Variants in TYW1B observed in about 807,000 individuals in gnomAD.
The protein encoded by TYW1B is S-adenosyl-L-methionine-dependent tRNA 4-demethylwyosine synthase TYW1B.
Under a neutral mutation model 86.9 loss-of-function variants are expected in TYW1B, and 73 were observed. The observed-to-expected ratio is 0.84, with a 90% CI of 0.70 to 1.02. The LOEUF (loss-of-function observed/expected upper bound fraction) is 1.02. TYW1B is among the 50% of genes least tolerant of loss of function. The probability of loss-of-function intolerance (pLI) is 0.00; values close to 1 mark genes in which losing one functional copy is unlikely to be tolerated. For synonymous variants in TYW1B, 248 were observed against 292.8 expected (o/e 0.85, Z 1.56); for missense variants, 637 against 827.4 (o/e 0.77, Z 2.82).
chr7:72,671,015 C>A (rs1813587982), intron 11 of TYW1B, among the ~76,000 whole-genome samples: 3 of 152,118 alleles, frequency 2.0e-5, no homozygotes, highest in Admixed American at 6.6e-5. Flanking sequence ...ATTCACTCAG[C>A]AAATATTTAT....
At chr7:72,603,322 T>TG (rs1811718950) in intron 13 of TYW1B, among the ~76,000 whole-genome samples, 1 of 137,804 alleles carries the variant, frequency 7.3e-6, no homozygotes, top group African/African-American at 3.2e-5. Context: ...GACAGATAGA[T>TG]GATGGATGGA....
chr7:72,755,334 A>T (rs143918563), intron 7 of TYW1B, among the ~76,000 whole-genome samples: 156 of 152,316 alleles, frequency 1.0e-3, no homozygotes, highest in Non-Finnish European at 1.4e-3. Context: ...TGGGAGGATC[A>T]CTTGAGCCAG....
chr7:72,741,743 A>C (rs1399761584), intron 8 of TYW1B, among the ~76,000 whole-genome samples: 3 of 152,200 alleles, frequency 2.0e-5, no homozygotes, highest in Non-Finnish European at 4.4e-5. Context: ...GAAGCGAGAG[A>C]GAAGGCACTC....
intron 11 of TYW1B, among the ~76,000 whole-genome samples, chr7:72,680,947 T>C (rs746357382): frequency 6.6e-6 from 1 of 152,236 alleles, no homozygotes; most frequent in Admixed American, 6.5e-5. Context: ...TTTAATCATA[T>C]ACACAAAAAT....
At chr7:72,733,423 G>T (rs1387160145) in intron 8 of TYW1B, among the ~76,000 whole-genome samples, 1 of 152,140 alleles carries the variant, frequency 6.6e-6, no homozygotes, top group Non-Finnish European at 1.5e-5. Context: ...ACTTTCGGAG[G>T]CCAAGGCGGG....
chr7:72,747,192 A>T (rs1374072818), intron 7 of TYW1B, among the ~76,000 whole-genome samples: 1 of 152,182 alleles, frequency 6.6e-6, no homozygotes, highest in African/African-American at 2.4e-5. Flanking sequence ...CCTGGGGAGG[A>T]ACTGAATCAC....
intron 11 of TYW1B, among the ~76,000 whole-genome samples, chr7:72,661,145 A>AAAG (rs1385642279): frequency 1.3e-5 from 2 of 150,404 alleles, no homozygotes; most frequent in South Asian, 2.1e-4. Flanking sequence ...CAAAAAAAAA[A>AAAG]AAGAAGAAGA....
chr7:72,764,795 T>A (rs1329763016), intron 7 of TYW1B, among the ~76,000 whole-genome samples: 3 of 152,204 alleles, frequency 2.0e-5, no homozygotes, highest in Admixed American at 6.6e-5. Context: ...TAATTGATGA[T>A]GATGATGTGT....
At chr7:72,788,842 T>C (rs1168747707) in intron 6 of TYW1B, among the ~76,000 whole-genome samples, 3 of 150,290 alleles carry the variant, frequency 2.0e-5, no homozygotes, top group African/African-American at 7.4e-5. Context: ...CACATGTTTG[T>C]ATTTTTGAGA....
At chr7:72,682,470 G>T (rs1813899658) in intron 11 of TYW1B, among the ~76,000 whole-genome samples, 2 of 152,106 alleles carry the variant, frequency 1.3e-5, no homozygotes, top group Admixed American at 1.3e-4. Flanking sequence ...TATCCTAAGG[G>T]TCTAAGCATG....
intron 11 of TYW1B, among the ~76,000 whole-genome samples, chr7:72,686,920 C>G (rs1814019951): frequency 6.6e-6 from 1 of 151,828 alleles, no homozygotes; most frequent in Non-Finnish European, 1.5e-5. Flanking sequence ...TTATGCAATA[C>G]CCCAAATTAA....
At chr7:72,685,276 T>A (rs1487217862) in intron 11 of TYW1B, among the ~76,000 whole-genome samples, 2 of 150,882 alleles carry the variant, frequency 1.3e-5, no homozygotes, top group Non-Finnish European at 2.9e-5. Flanking sequence ...ATGATTAATA[T>A]GCTAAGAAAG....
intron 11 of TYW1B, among the ~76,000 whole-genome samples, chr7:72,630,268 A>T (rs1417376132): frequency 1.3e-5 from 2 of 152,138 alleles, no homozygotes; most frequent in African/African-American, 4.8e-5. Context: ...AGACTGTCTC[A>T]AAATAAATAA....
intron 8 of TYW1B, among the ~76,000 whole-genome samples, chr7:72,731,161 A>T (rs578018851): frequency 2.7e-5 from 4 of 150,764 alleles, no homozygotes; most frequent in African/African-American, 7.2e-5. Flanking sequence ...CACCAAGCAA[A>T]ACTATCCTCT....
At chr7:72,593,325 C>A (rs1554431916) in intron 13 of TYW1B, among the ~76,000 whole-genome samples, 1 of 149,968 alleles carries the variant, frequency 6.7e-6, no homozygotes, top group East Asian at 2.0e-4. Flanking sequence ...GAAAATAAAG[C>A]ACTTGAAGGG....
intron 12 of TYW1B, among the ~76,000 whole-genome samples, chr7:72,628,538 G>A (rs534831619): frequency 6.6e-6 from 1 of 152,240 alleles, no homozygotes; most frequent in African/African-American, 2.4e-5. Flanking sequence ...GTCTATGTCT[G>A]AAATAAAGGT....
At chr7:72,687,699 G>A (rs1814042961) in intron 11 of TYW1B, among the ~76,000 whole-genome samples, 1 of 151,912 alleles carries the variant, frequency 6.6e-6, no homozygotes, top group South Asian at 2.1e-4. Context: ...TTCAATAATA[G>A]GCAAAATTAA....
At chr7:72,784,795 G>T (rs1554472178) in intron 6 of TYW1B, among the ~76,000 whole-genome samples, 8 of 152,030 alleles carry the variant, frequency 5.3e-5, no homozygotes, top group African/African-American at 4.8e-5. Context: ...ACTGCGCCCG[G>T]CCTCCTAATA....
At chr7:72,674,970 T>C (rs1294602277) in intron 11 of TYW1B, among the ~76,000 whole-genome samples, 1 of 152,116 alleles carries the variant, frequency 6.6e-6, no homozygotes, top group African/African-American at 2.4e-5. Flanking sequence ...AAATAAGGGA[T>C]GACTTGCAAA....
Sources: gnomAD v4.1 joint callset for allele counts (sites outside exome capture counted in the v4.1 genomes callset) on GRCh38, gnomAD v4.1.1 for gene constraint, MANE v1.5 for transcripts, NCBI Gene and HGNC (gene_info 2026-07-23, HGNC 2026-07-21) for gene names.